Variants in PTPRN2 observed in about 807,000 individuals in gnomAD.
PTPRN2 encodes the protein receptor-type tyrosine-protein phosphatase N2.
In PTPRN2, 74 loss-of-function variants were observed where a neutral mutation model predicts 118.8. That is an observed-to-expected ratio of 0.62 (90% CI 0.52 to 0.76). PTPRN2 has a LOEUF of 0.76. Ranked by LOEUF, PTPRN2 falls within the 30% of genes least tolerant of loss-of-function variation. The probability of loss-of-function intolerance (pLI) is 0.00; values close to 1 mark genes in which losing one functional copy is unlikely to be tolerated. For synonymous variants in PTPRN2, 641 were observed against 608.0 expected, an observed-to-expected ratio of 1.05 and a Z score of -0.80; for missense variants, 1,481 against 1,394.4, an observed-to-expected ratio of 1.06 and a Z score of -0.99.
chr7:158,216,980 T>C (rs1230270030), intron 3 of PTPRN2, among the ~76,000 whole-genome samples: 1 of 152,158 alleles, frequency 6.6e-6, no homozygotes, highest in Non-Finnish European at 1.5e-5. Context: ...AAATAATCCA[T>C]GGGTCAAAGA....
chr7:157,874,886 GACACACTCGTGCACATACAC>G lies in PTPRN2; in HGVS notation c.1788+23767_1788+23786del, dbSNP rs1187393738. ...ACACTCGTGCACATACACACACGGA[GACACACTCGTGCACATACAC>G]ACACACTCATGCACATACACAGAGA... On this transcript the variant is annotated intron_variant, in intron 12 of 22. Transcript: ENST00000389418. The surrounding 1 kb of genome is among the most constrained non-coding windows in gnomAD (Gnocchi z 5.8). Among the ~76,000 whole-genome samples, 9 of 150,884 alleles carry G rather than the reference GACACACTCGTGCACATACAC, an allele frequency of 6.0e-5. No homozygotes were observed. The South Asian group carries it at 8.5e-4, about 14-fold the overall frequency.
In PTPRN2 at chr7:157,987,812, T is replaced by A. The variant is rs1157718506; in HGVS notation, c.1724-89075A>T. On this transcript the variant is annotated intron_variant, in intron 11 of 22. Coordinates refer to ENST00000389418, the MANE Select transcript of PTPRN2 (RefSeq NM_002847.5). The surrounding 1 kb of genome is among the most constrained non-coding windows in gnomAD (Gnocchi z 4.3). Reference sequence around the variant, plus strand: ...TTCAGGGCAATAGGGAATCTGCTTTTCAATGCAGCATCCCAGTGGGGTGGC... The same window carrying A: ...TTCAGGGCAATAGGGAATCTGCTTTACAATGCAGCATCCCAGTGGGGTGGC... Among the ~76,000 whole-genome samples the A allele has an allele frequency of 6.6e-6, 1 of 152,154 alleles. No individual in the cohort carries two copies. Among genetic ancestry groups the A allele is most frequent in the African/African-American group, 2.4e-5 (1 of 41,408 alleles).
chr7:157,583,827 A>C lies in PTPRN2; in HGVS notation c.2497-5687T>G, dbSNP rs146503121. Among the ~76,000 whole-genome samples the C allele has an allele frequency of 8.4e-3, 1,278 of 151,862 alleles. 21 individuals carry two copies. Among genetic ancestry groups the C allele is most frequent in the African/African-American group, 0.029 (1,205 of 41,380 alleles). ...TGCCTGGAAGGCAGAGGTTGCAGTG[A>C]GCTGAGATCATGCCACTGCACGCCA... On this transcript the variant is annotated intron_variant, in intron 17 of 22. Transcript: ENST00000389418. The surrounding 1 kb of genome is among the most constrained non-coding windows in gnomAD (Gnocchi z 5.5).
intron 11 of PTPRN2, among the ~76,000 whole-genome samples, chr7:157,924,120 T>G (rs1798837714): frequency 6.6e-6 from 1 of 152,062 alleles, no homozygotes; most frequent in Non-Finnish European, 1.5e-5. Context: ...CCTGAGTGTT[T>G]CAGAAGGCAG....
rs1798614184 is a variant in PTPRN2, at chr7:157,711,469, A to G, written c.1789-28532T>C. On this transcript the variant is annotated intron_variant, in intron 12 of 22. Transcript: ENST00000389418. ...GGAGGTCCGGTTTGTGCACCTGCAC[A>G]CGGGTCCTGTCTGTGCTCCCCTGCA... Among the ~76,000 whole-genome samples the G allele has an allele frequency of 4.3e-5, 2 of 46,468 alleles. 1 individual carries two copies. Among genetic ancestry groups the G allele is most frequent in the Non-Finnish European group, 1.5e-4 (2 of 13,436 alleles). 30.5% of individuals were successfully genotyped at this position (46,468 alleles called of 152,430 possible).
rs73729790 is a variant in PTPRN2 at position 158,389,158 on chromosome 7, G to A, written c.164-72226C>T. ...GTCCGAAGGGCCACACCTGGGCCCTGAAGCCCTCGGCAGGAGGCAGGTGCG... is the reference window on the plus strand; with the variant it reads ...GTCCGAAGGGCCACACCTGGGCCCTAAAGCCCTCGGCAGGAGGCAGGTGCG... On this transcript the variant is annotated intron_variant, in intron 2 of 22. Transcript: ENST00000389418. 9.5e-3 allele frequency among the ~76,000 whole-genome samples: 1,444 copies of A among 152,324 alleles called. 28 individuals carry two copies. The highest frequency in any genetic ancestry group is 0.033 in the African/African-American group (1,359 of 41,566).
At chr7:157,886,168 G>A (rs868565772) in intron 12 of PTPRN2, among the ~76,000 whole-genome samples, 23 of 152,256 alleles carry the variant, frequency 1.5e-4, no homozygotes, top group Middle Eastern at 3.4e-3. Context: ...TTGGTGCCAC[G>A]TGAGCCAGGC....
rs536519430 is a variant in PTPRN2, at chr7:157,791,373, A to G, written c.1788+107300T>C. Among the ~76,000 whole-genome samples the G allele has an allele frequency of 3.5e-4, 53 of 152,342 alleles. 1 individual carries two copies. Among genetic ancestry groups the G allele is most frequent in the Admixed American group, 3.3e-3 (51 of 15,306 alleles). ...ACAAGAAATAAGCGCCCGCGTCCAC[A>G]TATTCTCGTGCCTGGCGTGTTTTAC... is the stretch of plus-strand genomic sequence containing the variant. On this transcript the variant is annotated intron_variant, in intron 12 of 22. Coordinates refer to ENST00000389418, the MANE Select transcript of PTPRN2 (RefSeq NM_002847.5).
chr7:157,588,561 G>T (rs1372308451), intron 17 of PTPRN2, among the ~76,000 whole-genome samples: 2 of 152,228 alleles, frequency 1.3e-5, no homozygotes, highest in Admixed American at 6.5e-5. Flanking sequence ...CCCCGGGAAG[G>T]TGCAGACCTT....
intron 11 of PTPRN2, among the ~76,000 whole-genome samples, chr7:157,959,809 T>A (rs1801407798): frequency 6.6e-6 from 1 of 152,242 alleles, no homozygotes; most frequent in Non-Finnish European, 1.5e-5. Flanking sequence ...AATTACCATT[T>A]GACCCCACAA....
chr7:158,078,549 A>G (rs1475526885), intron 11 of PTPRN2, among the ~76,000 whole-genome samples: 2 of 152,264 alleles, frequency 1.3e-5, no homozygotes, highest in Non-Finnish European at 2.9e-5. Flanking sequence ...CTTCCCTGCT[A>G]TCATGTCAGC....
At chr7:158,085,248 T>C (rs1316756004) in intron 10 of PTPRN2, among the ~76,000 whole-genome samples, 1 of 105,078 alleles carries the variant, frequency 9.5e-6, no homozygotes, top group African/African-American at 4.1e-5. Context: ...ACGACACCCA[T>C]CCACACCCAT....
chr7:157,718,445 G>A (rs528514550), intron 12 of PTPRN2, among the ~76,000 whole-genome samples: 1 of 152,362 alleles, frequency 6.6e-6, no homozygotes, highest in East Asian at 1.9e-4. Context: ...CACAGGGCGT[G>A]TTTGGAGAGC....
chr7:158,507,987 G>A (rs548852797), intron 1 of PTPRN2, among the ~76,000 whole-genome samples: 24 of 144,546 alleles, frequency 1.7e-4, no homozygotes, highest in Admixed American at 1.0e-3. Flanking sequence ...GAACAGCCCC[G>A]TGCTAGGCAG....
intron 11 of PTPRN2, among the ~76,000 whole-genome samples, chr7:158,020,167 C>T (rs1473497269): frequency 3.9e-5 from 6 of 152,244 alleles, no homozygotes; most frequent in African/African-American, 1.2e-4. Flanking sequence ...AGCCCCAGTG[C>T]TGCCCGTTAT....
At chr7:157,711,496 C>G (rs1798616332) in intron 12 of PTPRN2, among the ~76,000 whole-genome samples, 1 of 152,192 alleles carries the variant, frequency 6.6e-6, no homozygotes, top group Non-Finnish European at 1.5e-5. Context: ...TCCCCTGCAG[C>G]CCGGGGGAGT....
chr7:157,720,833 G>A (rs58954728), intron 12 of PTPRN2, among the ~76,000 whole-genome samples: 5,136 of 152,304 alleles, frequency 0.034, 275 homozygotes, highest in African/African-American at 0.12. Context: ...CTGGGACAGC[G>A]GAGCCCTGGG....
At chr7:158,115,638 C>T (rs1456499999) in intron 9 of PTPRN2, among the ~76,000 whole-genome samples, 1 of 152,096 alleles carries the variant, frequency 6.6e-6, no homozygotes, top group Non-Finnish European at 1.5e-5. Context: ...ATGCCATCTG[C>T]AACCCAGAAG....
chr7:158,101,351 C>T (rs1815211675), intron 10 of PTPRN2, among the ~76,000 whole-genome samples: 1 of 152,140 alleles, frequency 6.6e-6, no homozygotes, highest in Non-Finnish European at 1.5e-5. Context: ...CTCATCTCTC[C>T]CCTTATCCAA....
Sources: allele counts gnomAD v4.1 joint callset (sites outside exome capture counted in the v4.1 genomes callset), GRCh38; gene constraint gnomAD v4.1.1; non-coding constraint Gnocchi (gnomAD v3.1); transcripts MANE v1.5; gene names NCBI Gene and HGNC (gene_info 2026-07-23, HGNC 2026-07-21).